Variants in KIAA1586 observed in about 807,000 individuals in gnomAD.
KIAA1586 encodes E3 SUMO-protein ligase KIAA1586.
Under a neutral mutation model 6.1 loss-of-function variants are expected in KIAA1586, and 5 were observed. The observed-to-expected ratio is 0.82, with a 90% CI of 0.43 to 1.73. The LOEUF (loss-of-function observed/expected upper bound fraction) is 1.73, where lower values mean the gene tolerates loss of function less well. KIAA1586 is among the 40% of genes most tolerant of loss of function. KIAA1586 has a pLI of 0.02. For missense variants in KIAA1586, 899 were observed against 878.2 expected (o/e 1.02, Z -0.30); for synonymous variants, 280 against 301.7 (o/e 0.93, Z 0.75).
chr6:57,048,600 A>T (rs772189829), intron 2 of KIAA1586, among the ~76,000 whole-genome samples: 1 of 152,212 alleles, frequency 6.6e-6, no homozygotes, highest in African/African-American at 2.4e-5. Context: ...GAAATCAAAG[A>T]GCAATGGTTT....
At chr6:57,052,162 C>T (rs1828346115) in intron 3 of KIAA1586, among the ~76,000 whole-genome samples, 1 of 152,104 alleles carries the variant, frequency 6.6e-6, no homozygotes, top group Non-Finnish European at 1.5e-5. Context: ...GGTTCCACAT[C>T]CGTGGATTCA....
At chr6:57,066,831 C>G in the KIAA1586 span, among the ~76,000 whole-genome samples, 1 of 152,108 alleles carries the variant, frequency 6.6e-6, no homozygotes, top group Non-Finnish European at 1.5e-5. Flanking sequence ...TGAGTCCTTC[C>G]TAGGTTCCCT....
At position 57,050,808 on chromosome 6, in the gene KIAA1586, A is replaced by G. The variant is rs200709297; in HGVS notation, c.140A>G (p.Asp47Gly). ...GPSRPVLEYI[D>G]LVCGDDENPS... ...TCGAGACCTGTTCTTGAATACATCG[A>G]TCTGGTCTGTGGTGATGATGAAAAC... The change falls in exon 3 of 4, where the codon GAT becomes GGT. Residue 47 changes from aspartate to glycine, a missense_variant. Coordinates refer to ENST00000370733, the MANE Select transcript of KIAA1586 (RefSeq NM_020931.4). 28 of 1,613,454 alleles carry G rather than the reference A, an allele frequency of 1.7e-5. No homozygotes were observed. The African/African-American group carries it at 3.5e-4, about 20-fold the overall frequency.
the KIAA1586 span, among the ~76,000 whole-genome samples, chr6:57,060,993 T>C: frequency 6.6e-6 from 1 of 151,614 alleles, no homozygotes; most frequent in African/African-American, 2.4e-5. Flanking sequence ...TTTTTTTTTT[T>C]TTGAAACAGA....
rs1828400078 is a variant in KIAA1586, at chr6:57,053,499, C to A, written c.1000C>A (p.Leu334Ile). ...AAAGAAAACCACCCTAGTGATTTAT[C>A]TCCAGTGCACAATTCAGTCAGCTCC... is the stretch of plus-strand genomic sequence containing the variant. ...VSKKTTLVIYLQCTIQSAPAP... is the reference protein window; with the variant it reads ...VSKKTTLVIYIQCTIQSAPAP... Residue 334 changes from leucine (L) to isoleucine (I), a missense_variant, in exon 4 of 4, where the codon CTC becomes ATC. Physicochemically the swap from Leu to Ile is conservative, Grantham distance 5. Transcript: ENST00000370733. 1.2e-6 allele frequency: 2 copies of A among 1,613,502 alleles called. No homozygotes were observed. Among genetic ancestry groups the A allele is most frequent in the Non-Finnish European group, 1.7e-6 (2 of 1,179,748 alleles).
chr6:57,065,260 T>A, the KIAA1586 span, among the ~76,000 whole-genome samples: 1 of 152,112 alleles, frequency 6.6e-6, no homozygotes, highest in African/African-American at 2.4e-5. Flanking sequence ...TGTTCCTAAT[T>A]TTTCCTTGTT....
intron 3 of KIAA1586, among the ~76,000 whole-genome samples, chr6:57,051,844 C>T (rs1053366646): frequency 2.0e-5 from 3 of 152,070 alleles, no homozygotes; most frequent in Non-Finnish European, 2.9e-5. Flanking sequence ...TGTCGTGGCA[C>T]GTGCCTGTAA....
chr6:57,047,991 A>C lies in KIAA1586; in HGVS notation c.105+595A>C, dbSNP rs1828226287. The stretch of plus-strand genomic sequence containing the variant: ...CAGGCAGATTCCTGGGCCCCACTGC[A>C]GACCTACCGAATCAGAATTTCCAGG... On this transcript the variant is annotated intron_variant, in intron 2 of 3. Transcript: ENST00000370733. Among the ~76,000 whole-genome samples the C allele has an allele frequency of 1.3e-5, 2 of 149,444 alleles. 1 individual carries two copies. The highest frequency in any genetic ancestry group is 5.0e-5 in the African/African-American group (2 of 39,624).
chr6:57,050,688 C>CT (rs1302648515), intron 2 of KIAA1586, 86 bp from the exon 3 acceptor site: 39 of 913,226 alleles, frequency 4.3e-5, no homozygotes, highest in Non-Finnish European at 6.8e-5. Flanking sequence ...CCAATTCCAA[C>CT]TAAAAAAATC....
In KIAA1586 at chr6:57,055,065, G is replaced by A; in HGVS notation, c.*202G>A. The A allele has an allele frequency of 2.0e-6, 1 of 490,788 alleles. No individual in the cohort carries two copies. Among genetic ancestry groups the A allele is most frequent in the South Asian group, 3.2e-5 (1 of 31,172 alleles). 30.4% of individuals were successfully genotyped at this position (490,788 alleles called of 1,614,324 possible). On this transcript the variant is annotated 3_prime_UTR_variant, in exon 4 of 4. Coordinates refer to ENST00000370733, the MANE Select transcript of KIAA1586 (RefSeq NM_020931.4). ...AGATTGGCCCATGTTTGCTAGAGTG[G>A]GTCATAATACATATTCCATGAAGTT...
chr6:57,059,103 A>G (rs1828533469), downstream of KIAA1586, among the ~76,000 whole-genome samples: 1 of 152,222 alleles, frequency 6.6e-6, no homozygotes, highest in South Asian at 2.1e-4. Flanking sequence ...ATACAAATCA[A>G]GTATGATGAA....
chr6:57,061,471 C>T, the KIAA1586 span, among the ~76,000 whole-genome samples: 2 of 152,122 alleles, frequency 1.3e-5, no homozygotes, highest in Non-Finnish European at 2.9e-5. Flanking sequence ...TGGCTCACTG[C>T]AGCATTGAAC....
intron 3 of KIAA1586, among the ~76,000 whole-genome samples, chr6:57,052,331 G>T (rs975420422): frequency 1.3e-5 from 2 of 152,160 alleles, no homozygotes; most frequent in African/African-American, 2.4e-5. Flanking sequence ...ATATGCAAAG[G>T]TTGAGTGCAA....
In KIAA1586 at chr6:57,054,304, C is replaced by T. The variant is rs745360976; in HGVS notation, c.1805C>T (p.Pro602Leu). 5.7e-6 allele frequency: 9 copies of T among 1,584,376 alleles called. No homozygotes were observed. Among genetic ancestry groups the T allele is most frequent in the Non-Finnish European group, 6.9e-6 (8 of 1,167,822 alleles). The part of the protein sequence containing the change: ...FNKNNKFNAL[P>L]RSILLDNIIQ... The stretch of plus-strand genomic sequence containing the variant: ...AAAAACAATAAATTTAATGCTCTTC[C>T]TAGGAGTATATTACTAGACAATATA... Residue 602 changes from proline (P) to leucine (L), a missense_variant, in exon 4 of 4, where the codon CCT becomes CTT. Coordinates refer to ENST00000370733, the MANE Select transcript of KIAA1586 (RefSeq NM_020931.4).
chr6:57,052,711 G>T lies in KIAA1586; in HGVS notation c.212G>T (p.Arg71Leu). 1 of 1,566,692 alleles carries T rather than the reference G, an allele frequency of 6.4e-7. No homozygotes were observed. Among genetic ancestry groups the T allele is most frequent in the Non-Finnish European group, 8.6e-7 (1 of 1,158,602 alleles). The change falls in exon 4 of 4, where the codon CGA becomes CTA. Residue 71 changes from arginine (R) to leucine (L), a missense_variant. Transcript: ENST00000370733. ...SDILFPKMPK[R>L]QGDFLHFLNV... The stretch of plus-strand genomic sequence containing the variant: ...ATTCTGTTTCCTAAAATGCCAAAAC[G>T]ACAGGGTGATTTTTTGCATTTTTTA...
At chr6:57,059,255 A>G (rs1035706312), downstream of KIAA1586, among the ~76,000 whole-genome samples, 2 of 150,942 alleles carry the variant, frequency 1.3e-5, no homozygotes, top group African/African-American at 4.9e-5. Context: ...ATTATTTTGG[A>G]TATATTGGGT....
rs774630689 is a variant in KIAA1586, at chr6:57,054,590, T to A, written c.2091T>A (p.Val697=). ...PTTIYKAKKI[V]STIAINSAEA... ...CTATATACAAAGCTAAAAAGATAGT[T>A]AGCACCATTGCAATCAATAGTGCTG... The change falls in exon 4 of 4, where the codon GTT becomes GTA. Residue 697 remains valine (V), a synonymous_variant. Coordinates refer to ENST00000370733, the MANE Select transcript of KIAA1586 (RefSeq NM_020931.4). 1 of 1,606,786 alleles carries A rather than the reference T, an allele frequency of 6.2e-7. No individual in the cohort carries two copies.
chr6:57,051,064 C>A (rs1374924906), intron 3 of KIAA1586, among the ~76,000 whole-genome samples: 1 of 151,048 alleles, frequency 6.6e-6, no homozygotes, highest in Non-Finnish European at 1.5e-5. Context: ...ACCCCCATCT[C>A]TACTAAAAAT....
chr6:57,061,223 AC>A, the KIAA1586 span, among the ~76,000 whole-genome samples: 1 of 142,410 alleles, frequency 7.0e-6, no homozygotes, highest in Admixed American at 7.0e-5. Context: ...TGATCTGCCC[AC>A]CTCGGCCTCC....
Sources: allele counts gnomAD v4.1 joint callset (sites outside exome capture counted in the v4.1 genomes callset), GRCh38; gene constraint gnomAD v4.1.1; transcripts MANE v1.5; gene names NCBI Gene and HGNC (gene_info 2026-07-23, HGNC 2026-07-21).